KIF13B: variants seen among roughly 807,000 people sequenced by gnomAD.
KIF13B encodes kinesin-like protein KIF13B.
In KIF13B, 127 loss-of-function variants were observed where a neutral mutation model predicts 222.0. The ratio of observed to expected loss-of-function variants is 0.57; its 90% CI spans 0.50 to 0.66. The LOEUF is 0.66. Among genes scored for constraint, KIF13B ranks in the 30% least tolerant of loss-of-function variants. The probability of loss-of-function intolerance (pLI) is 0.00; values close to 1 mark genes in which losing one functional copy is unlikely to be tolerated. For synonymous variants in KIF13B, 976 were observed against 919.0 expected, an observed-to-expected ratio of 1.06 and a Z score of -1.12; for missense variants, 2,173 against 2,379.0, an observed-to-expected ratio of 0.91 and a Z score of 1.80.
At chr8:29,103,686 T>C (rs963845416) in intron 35 of KIF13B, among the ~76,000 whole-genome samples, 1 of 152,116 alleles carries the variant, frequency 6.6e-6, no homozygotes, top group Non-Finnish European at 1.5e-5. Flanking sequence ...TTTTCATATG[T>C]AGGGGCATCG....
intron 2 of KIF13B, among the ~76,000 whole-genome samples, chr8:29,235,889 A>G (rs1815486700): frequency 6.6e-6 from 1 of 152,244 alleles, no homozygotes. Flanking sequence ...TAATGTCAGA[A>G]GAATGAAAAG....
At chr8:29,221,298 T>G (rs1814738370) in intron 2 of KIF13B, among the ~76,000 whole-genome samples, 1 of 151,740 alleles carries the variant, frequency 6.6e-6, no homozygotes, top group African/African-American at 2.4e-5. Context: ...AGGCGGGGTT[T>G]TGCCATGTTG....
intron 3 of KIF13B, among the ~76,000 whole-genome samples, chr8:29,193,740 A>C (rs1355208496): frequency 6.6e-6 from 1 of 152,234 alleles, no homozygotes; most frequent in Non-Finnish European, 1.5e-5. Context: ...CATATACTTC[A>C]AATCATCTCT....
intron 4 of KIF13B, 172 bp downstream of exon 4, chr8:29,190,825 C>T (rs1160656595): frequency 1.5e-6 from 1 of 656,828 alleles, no homozygotes; most frequent in Non-Finnish European, 2.8e-6. Flanking sequence ...AGGGAAAACT[C>T]CCCCAACATT....
chr8:29,206,895 C>G (rs974932852), intron 2 of KIF13B, among the ~76,000 whole-genome samples: 2 of 152,124 alleles, frequency 1.3e-5, no homozygotes, highest in Non-Finnish European at 2.9e-5. Flanking sequence ...TCAAGAGAAG[C>G]CTTGCTGAAA....
In KIF13B at chr8:29,097,217, G is replaced by C. The variant is rs1808572240; in HGVS notation, c.4324+1916C>G. 2.0e-5 allele frequency among the ~76,000 whole-genome samples: 3 copies of C among 152,164 alleles called. 1 individual carries two copies. Among genetic ancestry groups the C allele is most frequent in the Admixed American group, 2.0e-4 (3 of 15,272 alleles). ...AGATTTCAAGGTAAGAGTATTCCCA[G>C]AGACAAAAGGGACATTTCATGATAG... is the stretch of plus-strand genomic sequence containing the variant. On this transcript the variant is annotated intron_variant, in intron 36 of 39. Coordinates refer to ENST00000524189, the MANE Select transcript of KIF13B (RefSeq NM_015254.4).
chr8:29,099,288 C>G, intron 35 of KIF13B, 47 bp from the exon 36 acceptor site: 1 of 1,321,654 alleles, frequency 7.6e-7, no homozygotes, highest in Non-Finnish European at 1.1e-6. Flanking sequence ...ATTCAATTAA[C>G]CAAACAAAAA....
intron 2 of KIF13B, among the ~76,000 whole-genome samples, chr8:29,197,030 C>G (rs1813453319): frequency 6.6e-6 from 1 of 152,122 alleles, no homozygotes; most frequent in Non-Finnish European, 1.5e-5. Context: ...GACATCTCAT[C>G]AGGGGACAAG....
intron 6 of KIF13B, among the ~76,000 whole-genome samples, chr8:29,183,935 T>C (rs542758642): frequency 2.6e-5 from 4 of 152,234 alleles, no homozygotes; most frequent in Non-Finnish European, 5.9e-5. Flanking sequence ...AAGAAGAGGA[T>C]AGTTCTAGAA....
intron 34 of KIF13B, 104 bp downstream of exon 34, chr8:29,109,330 A>C: frequency 1.1e-6 from 1 of 870,656 alleles, no homozygotes; most frequent in South Asian, 1.5e-5. Context: ...TGGCAAGGGA[A>C]GGGTTTCGGA....
intron 2 of KIF13B, among the ~76,000 whole-genome samples, chr8:29,206,158 C>T (rs1813925745): frequency 1.3e-5 from 2 of 152,044 alleles, no homozygotes; most frequent in South Asian, 4.1e-4. Context: ...GGCATGGTGG[C>T]TTATGTCTGT....
intron 1 of KIF13B, among the ~76,000 whole-genome samples, chr8:29,260,848 C>A (rs1200089114): frequency 6.6e-6 from 1 of 152,122 alleles, no homozygotes; most frequent in Non-Finnish European, 1.5e-5. Flanking sequence ...GAACTCCTGA[C>A]CTCAGGTGAT....
At chr8:29,148,269 A>G (rs1024823915) in intron 16 of KIF13B, among the ~76,000 whole-genome samples, 2 of 152,262 alleles carry the variant, frequency 1.3e-5, no homozygotes, top group African/African-American at 4.8e-5. Context: ...CTGACTGCAT[A>G]TTAAGGCAGA....
In KIF13B at chr8:29,108,157, G is replaced by A. The variant is rs747841646; in HGVS notation, c.4197C>T (p.Tyr1399=). ...SGSRQDLIPS[Y]SLGSNKGRWE... Reference sequence around the variant, plus strand: ...CACCTACCTTGTTGCTGCCTAGACTGTATGATGGAATGAGATCTTGTCGGC... The same window carrying A: ...CACCTACCTTGTTGCTGCCTAGACTATATGATGGAATGAGATCTTGTCGGC... Residue 1399 remains tyrosine (Y), a synonymous_variant, in exon 35 of 40, where the codon TAC becomes TAT. Transcript: ENST00000524189. 11 of 1,612,072 alleles carry A rather than the reference G, an allele frequency of 6.8e-6. No homozygotes were observed. Among genetic ancestry groups the A allele is most frequent in the Admixed American group, 1.7e-5 (1 of 59,780 alleles).
At chr8:29,213,561 G>A (rs1208323713) in intron 2 of KIF13B, among the ~76,000 whole-genome samples, 1 of 152,196 alleles carries the variant, frequency 6.6e-6, no homozygotes, top group African/African-American at 2.4e-5. Context: ...ATGCACACAG[G>A]CTGTATGGTA....
rs1053447002 is a variant in KIF13B at position 29,203,825 on chromosome 8, C to T, written c.150-7626G>A. On this transcript the variant is annotated intron_variant, in intron 2 of 39. Transcript: ENST00000524189. ...AGGAAAATTGCTTGAAGCCGGGAGG[C>T]GGAGGTTGTGGTGAGCCGAGATCAC... is the stretch of plus-strand genomic sequence containing the variant. Among the ~76,000 whole-genome samples the T allele has an allele frequency of 7.4e-5, 9 of 121,056 alleles. No individual in the cohort carries two copies. The East Asian group carries it at 8.2e-4, about 11-fold the overall frequency. 79.4% of individuals were successfully genotyped at this position (121,056 alleles called of 152,430 possible).
chr8:29,073,066 G>T lies in KIF13B; in HGVS notation c.4522-750C>A, dbSNP rs555512536. Among the ~76,000 whole-genome samples, 9 of 145,666 alleles carry T rather than the reference G, an allele frequency of 6.2e-5. No individual in the cohort carries two copies. The South Asian group carries it at 1.9e-3, about 31-fold the overall frequency. ...GGCATCCCGAGCAAGGCAGCAGGGG[G>T]ACGAGGAGGGGTACGAGGAGGGGTA... is the stretch of plus-strand genomic sequence containing the variant. On this transcript the variant is annotated intron_variant, in intron 38 of 39. Coordinates refer to ENST00000524189, the MANE Select transcript of KIF13B (RefSeq NM_015254.4).
At chr8:29,232,949 A>G (rs1215764819) in intron 2 of KIF13B, among the ~76,000 whole-genome samples, 1 of 152,168 alleles carries the variant, frequency 6.6e-6, no homozygotes, top group African/African-American at 2.4e-5. Flanking sequence ...TGAGGTCAGG[A>G]GTTCGAGACC....
At chr8:29,173,320 T>C (rs1812330316) in intron 10 of KIF13B, among the ~76,000 whole-genome samples, 1 of 152,102 alleles carries the variant, frequency 6.6e-6, no homozygotes, top group East Asian at 1.9e-4. Flanking sequence ...AAGAAGTATC[T>C]TATCAAGATT....
Sources: allele counts gnomAD v4.1 joint callset (sites outside exome capture counted in the v4.1 genomes callset), GRCh38; gene constraint gnomAD v4.1.1; transcripts MANE v1.5; gene names NCBI Gene and HGNC (gene_info 2026-07-23, HGNC 2026-07-21).